Variants in LRP2 observed in about 807,000 individuals in gnomAD.
The protein encoded by LRP2 is low-density lipoprotein receptor-related protein 2.
A neutral mutation model predicts 531.0 loss-of-function variants in LRP2; 172 were observed. The observed-to-expected ratio is 0.32, with a 90% CI of 0.29 to 0.37. The LOEUF is 0.37. Ranked by LOEUF, LRP2 falls within the 10% of genes least tolerant of loss-of-function variation. LRP2 has a pLI of 1.00. For synonymous variants in LRP2, 1,992 were observed against 2,027.6 expected (o/e 0.98, Z 0.47); for missense variants, 5,167 against 5,868.3 (o/e 0.88, Z 3.90).
chr2:169,353,761 C>T (rs1333411890), intron 1 of LRP2, among the ~76,000 whole-genome samples: 1 of 152,138 alleles, frequency 6.6e-6, no homozygotes, highest in African/African-American at 2.4e-5. Flanking sequence ...GAAGCTGAGG[C>T]GGGAGGATCA....
chr2:169,188,089 G>A lies in LRP2; in HGVS notation c.9209C>T (p.Thr3070Ile). 1 of 1,614,090 alleles carries A rather than the reference G, an allele frequency of 6.2e-7. No individual in the cohort carries two copies. The highest frequency in any genetic ancestry group is 8.5e-7 in the Non-Finnish European group (1 of 1,180,010). Reference protein sequence around the residue: ...GSDELMHLCHTPEPTCPPHEF... With the variant: ...GSDELMHLCHIPEPTCPPHEF... The stretch of plus-strand genomic sequence containing the variant: ...GTGAGGTGGACACGTGGGTTCTGGG[G>A]TGTGGCACAGGTGCATCAGCTCATC... The change falls in exon 49 of 79, where the codon ACC (threonine) becomes ATC (isoleucine). Residue 3070 changes from threonine to isoleucine, a missense_variant. Thr to Ile is a moderately conservative substitution (Grantham distance 89). Around this residue, in one of 6 missense-constraint regions of LRP2, gnomAD observed 1,129 missense variants for 1,362.7 expected, o/e 0.83. Coordinates refer to ENST00000649046, the MANE Select transcript of LRP2 (RefSeq NM_004525.3).
chr2:169,257,818 A>AG (rs1432289696), intron 17 of LRP2, among the ~76,000 whole-genome samples: 1 of 118,062 alleles, frequency 8.5e-6, no homozygotes. Flanking sequence ...GCAAAAAAAA[A>AG]CAAAAACAAA....
intron 1 of LRP2, among the ~76,000 whole-genome samples, chr2:169,344,929 C>T (rs831036): frequency 6.6e-6 from 1 of 151,870 alleles, no homozygotes; most frequent in African/African-American, 2.4e-5. Flanking sequence ...GAGTGGCAGG[C>T]AGTGACTGAG....
chr2:169,325,329 T>C (rs1407199221), intron 1 of LRP2, among the ~76,000 whole-genome samples: 1 of 152,212 alleles, frequency 6.6e-6, no homozygotes, highest in Non-Finnish European at 1.5e-5. Flanking sequence ...TTTTAAAAAT[T>C]TGTATGAGTA....
intron 62 of LRP2, among the ~76,000 whole-genome samples, chr2:169,164,371 T>C (rs1436307769): frequency 6.6e-6 from 1 of 152,202 alleles, no homozygotes; most frequent in African/African-American, 2.4e-5. Flanking sequence ...GCTATGTCCC[T>C]TGGGAAGGGG....
intron 28 of LRP2, among the ~76,000 whole-genome samples, chr2:169,236,312 T>C (rs1689603320): frequency 6.6e-6 from 1 of 152,212 alleles, no homozygotes; most frequent in Admixed American, 6.5e-5. Context: ...AATGTCATAA[T>C]GTAGTACATT....
chr2:169,145,639 A>C, intron 70 of LRP2, 108 bp downstream of exon 70: 85 of 1,077,788 alleles, frequency 7.9e-5, no homozygotes, highest in Middle Eastern at 2.8e-4. Flanking sequence ...TCATGCACCA[A>C]GAGATTAGCT....
intron 1 of LRP2, among the ~76,000 whole-genome samples, chr2:169,358,114 T>A (rs1357623718): frequency 6.6e-6 from 1 of 152,196 alleles, no homozygotes; most frequent in Non-Finnish European, 1.5e-5. Flanking sequence ...TTAAGATTCA[T>A]CTGCTTATCA....
rs76121679 is a variant in LRP2 at position 169,290,543 on chromosome 2, G to A, written c.922+302C>T. Among the ~76,000 whole-genome samples, 1,111 of 152,218 alleles carry A rather than the reference G, an allele frequency of 7.3e-3. 16 individuals are homozygous for A. The highest frequency in any genetic ancestry group is 0.025 in the African/African-American group (1,051 of 41,544). The stretch of plus-strand genomic sequence containing the variant: ...TAAGACTTGAGCAAACTTGGCATAA[G>A]TAGAACCTTGAAAGTACTTGAGCCC... On this transcript the variant is annotated intron_variant, in intron 8 of 78. Transcript: ENST00000649046.
chr2:169,346,443 G>A (rs1257039274), intron 1 of LRP2, among the ~76,000 whole-genome samples: 2 of 152,200 alleles, frequency 1.3e-5, no homozygotes, highest in East Asian at 3.9e-4. Context: ...AAAAAATGCA[G>A]AATTTTGGTA....
At chr2:169,353,461 C>A (rs1384392321) in intron 1 of LRP2, among the ~76,000 whole-genome samples, 14 of 152,104 alleles carry the variant, frequency 9.2e-5, no homozygotes, top group Admixed American at 9.2e-4. Flanking sequence ...GTATTTTTTA[C>A]TCACATAAGC....
At chr2:169,223,715 G>T (rs1689097066) in intron 33 of LRP2, among the ~76,000 whole-genome samples, 1 of 152,038 alleles carries the variant, frequency 6.6e-6, no homozygotes, top group South Asian at 2.1e-4. Context: ...GGTTTCTGAT[G>T]TAAAAAAATA....
intron 77 of LRP2, among the ~76,000 whole-genome samples, chr2:169,130,776 C>A (rs181282100): frequency 2.0e-5 from 3 of 152,160 alleles, no homozygotes; most frequent in Admixed American, 1.3e-4. Flanking sequence ...ATGGAAGACA[C>A]ATTTTAGAGG....
rs1043949151 is a variant in LRP2 at position 169,246,724 on chromosome 2, C to T, written c.3171G>A (p.Glu1057=). The change falls in exon 21 of 79, where the codon GAG becomes GAA. Residue 1057 remains glutamate (E), a synonymous_variant. Transcript: ENST00000649046. ...GVDDCHDNSD[E]QLCGTLNNTC... The stretch of plus-strand genomic sequence containing the variant: ...ACTTACTAAGTGTGCCACATAGTTG[C>T]TCATCACTGTTATCATGACAATCAT... 1.9e-6 allele frequency: 3 copies of T among 1,614,060 alleles called. No homozygotes were observed. The highest frequency in any genetic ancestry group is 8.5e-7 in the Non-Finnish European group (1 of 1,180,044).
chr2:169,157,948 A>ATAAATAAT (rs933401070), intron 63 of LRP2, among the ~76,000 whole-genome samples: 10 of 148,694 alleles, frequency 6.7e-5, no homozygotes, highest in African/African-American at 7.4e-5. Flanking sequence ...AAATAAATAA[A>ATAAATAAT]TAAATAAATA....
intron 63 of LRP2, among the ~76,000 whole-genome samples, chr2:169,160,382 T>G (rs1686530900): frequency 6.6e-6 from 1 of 152,142 alleles, no homozygotes; most frequent in Admixed American, 6.5e-5. Flanking sequence ...TGTCATGTTG[T>G]ATACCTTCAA....
chr2:169,161,676 G>T (rs1476418078), intron 63 of LRP2, among the ~76,000 whole-genome samples: 1 of 152,098 alleles, frequency 6.6e-6, no homozygotes, highest in African/African-American at 2.4e-5. Context: ...GTTTCGCCAT[G>T]CTGCCCAGGC....
At chr2:169,348,423 G>A (rs1685754756) in intron 1 of LRP2, among the ~76,000 whole-genome samples, 1 of 152,128 alleles carries the variant, frequency 6.6e-6, no homozygotes, top group Admixed American at 6.5e-5. Flanking sequence ...TCAGGAACAA[G>A]ACCCATGAAT....
chr2:169,285,477 C>T (rs1683830560), intron 9 of LRP2, among the ~76,000 whole-genome samples: 1 of 152,032 alleles, frequency 6.6e-6, no homozygotes, highest in Non-Finnish European at 1.5e-5. Context: ...TAGTGGAAAC[C>T]ACACAAAACA....
Sources: allele counts gnomAD v4.1 joint callset (sites outside exome capture counted in the v4.1 genomes callset), GRCh38; gene constraint gnomAD v4.1.1; regional missense constraint gnomAD v4.1.1; transcripts MANE v1.5; gene names NCBI Gene and HGNC (gene_info 2026-07-23, HGNC 2026-07-21).